Variants in MYT1L observed in about 807,000 individuals in gnomAD.
The protein encoded by MYT1L is myelin transcription factor 1-like protein.
A neutral mutation model predicts 126.7 loss-of-function variants in MYT1L; 12 were observed. The observed-to-expected ratio is 0.09, with a 90% CI of 0.06 to 0.15. The LOEUF (loss-of-function observed/expected upper bound fraction) is 0.15. Ranked by LOEUF, MYT1L falls within the 10% of genes least tolerant of loss-of-function variation. The pLI, the probability that MYT1L is intolerant of heterozygous loss-of-function variation, is 1.00. For missense variants in MYT1L, 979 were observed against 1,585.2 expected (o/e 0.62, Z 6.49); for synonymous variants, 541 against 604.2 (o/e 0.90, Z 1.53).
chr2:2,189,568 G>A (rs1014704198), intron 2 of MYT1L, among the ~76,000 whole-genome samples: 3 of 152,012 alleles, frequency 2.0e-5, no homozygotes, highest in Non-Finnish European at 2.9e-5. Context: ...ATATTAACAG[G>A]TACTGGGTTT....
At chr2:1,794,773 G>A (rs1210164912) in intron 23 of MYT1L, among the ~76,000 whole-genome samples, 1 of 152,126 alleles carries the variant, frequency 6.6e-6, no homozygotes, top group Non-Finnish European at 1.5e-5. Flanking sequence ...GGGGTGGCGG[G>A]GCTCCCATGC....
chr2:1,857,885 CAG>C (rs1177373552), intron 18 of MYT1L, among the ~76,000 whole-genome samples: 5 of 150,772 alleles, frequency 3.3e-5, no homozygotes, highest in African/African-American at 1.2e-4. Flanking sequence ...TAATTTGAGA[CAG>C]AGTCTCACTC....
chr2:2,058,184 T>C (rs1242435968), intron 3 of MYT1L, among the ~76,000 whole-genome samples: 4 of 152,246 alleles, frequency 2.6e-5, no homozygotes, highest in Non-Finnish European at 5.9e-5. Flanking sequence ...TGCCTAATAG[T>C]TGATGGAATT....
intron 5 of MYT1L, among the ~76,000 whole-genome samples, chr2:1,992,523 A>G (rs1013859183): frequency 1.3e-5 from 2 of 152,174 alleles, no homozygotes; most frequent in African/African-American, 2.4e-5. Context: ...ATAAGAACCC[A>G]GAGTGGTTCT....
At chr2:2,207,229 G>A (rs1024119457) in intron 2 of MYT1L, among the ~76,000 whole-genome samples, 1 of 152,166 alleles carries the variant, frequency 6.6e-6, no homozygotes, top group Admixed American at 6.5e-5. Flanking sequence ...ACTTTGGAAA[G>A]CATGATTACT....
At chr2:2,091,775 C>T (rs1347376016) in intron 3 of MYT1L, among the ~76,000 whole-genome samples, 1 of 152,200 alleles carries the variant, frequency 6.6e-6, no homozygotes, top group Non-Finnish European at 1.5e-5. Context: ...GCAGCTTCTC[C>T]ATCAGCACTT....
chr2:2,309,050 C>T (rs147828831), intron 1 of MYT1L, among the ~76,000 whole-genome samples: 1 of 151,176 alleles, frequency 6.6e-6, no homozygotes, highest in Non-Finnish European at 1.5e-5. Flanking sequence ...CTATGTAGAC[C>T]TCACCTACAC....
intron 3 of MYT1L, among the ~76,000 whole-genome samples, chr2:2,121,192 A>G (rs1292004793): frequency 6.6e-6 from 1 of 152,244 alleles, no homozygotes; most frequent in Non-Finnish European, 1.5e-5. Flanking sequence ...TTGGCGAGGA[A>G]AACATTTTCT....
chr2:2,144,497 T>A (rs1421149151), intron 3 of MYT1L, among the ~76,000 whole-genome samples: 4 of 152,226 alleles, frequency 2.6e-5, no homozygotes, highest in African/African-American at 7.2e-5. Flanking sequence ...CTGTGCAGAA[T>A]CCCTGCCCCT....
At chr2:2,282,224 C>T (rs935813178) in intron 2 of MYT1L, among the ~76,000 whole-genome samples, 2 of 152,220 alleles carry the variant, frequency 1.3e-5, no homozygotes, top group Non-Finnish European at 2.9e-5. Context: ...CACTGCCTCA[C>T]ACAGTGTATT....
At chr2:2,260,466 T>A (rs1340125505) in intron 2 of MYT1L, among the ~76,000 whole-genome samples, 1 of 152,218 alleles carries the variant, frequency 6.6e-6, no homozygotes, top group Non-Finnish European at 1.5e-5. Flanking sequence ...ATGCTGTGCT[T>A]GTGAGTTACT....
At position 2,330,470 on chromosome 2, in the gene MYT1L, T is replaced by G. The variant is rs141095048; in HGVS notation, c.-521+497A>C. On this transcript the variant is annotated intron_variant, in intron 1 of 24. Coordinates refer to ENST00000647738, the MANE Select transcript of MYT1L (RefSeq NM_001303052.2). ...TATAAATAACATTTTCTTTCATTAT[T>G]ATGAACTTCAAACATTTAAGTTAAA... 1.9e-3 allele frequency among the ~76,000 whole-genome samples: 297 copies of G among 152,338 alleles called. 1 individual carries two copies. Among genetic ancestry groups the G allele is most frequent in the African/African-American group, 6.8e-3 (283 of 41,592 alleles).
intron 2 of MYT1L, among the ~76,000 whole-genome samples, chr2:2,242,585 A>G (rs753092890): frequency 3.3e-5 from 5 of 152,176 alleles, no homozygotes; most frequent in Non-Finnish European, 5.9e-5. Flanking sequence ...GCTTCCATTT[A>G]TCAAGCACTG....
At chr2:2,089,509 A>G (rs2076695373) in intron 3 of MYT1L, among the ~76,000 whole-genome samples, 1 of 152,212 alleles carries the variant, frequency 6.6e-6, no homozygotes, top group Admixed American at 6.5e-5. Context: ...GACTGTTGAG[A>G]GGTGGGATCT....
chr2:2,143,433 C>A (rs777571983), intron 3 of MYT1L, among the ~76,000 whole-genome samples: 1 of 152,146 alleles, frequency 6.6e-6, no homozygotes, highest in African/African-American at 2.4e-5. Context: ...GCCTTCACCC[C>A]ACATGGCCAC....
At chr2:2,139,058 C>T (rs1172971397) in intron 3 of MYT1L, among the ~76,000 whole-genome samples, 1 of 151,744 alleles carries the variant, frequency 6.6e-6, no homozygotes, top group South Asian at 2.1e-4. Context: ...TTATAGGACC[C>T]TGTATTAGGT....
At position 2,178,560 on chromosome 2, in the gene MYT1L, G is replaced by A. The variant is rs186714518; in HGVS notation, c.-420-5572C>T. 5.3e-3 allele frequency among the ~76,000 whole-genome samples: 806 copies of A among 152,326 alleles called. 8 individuals carry two copies. Among genetic ancestry groups the A allele is most frequent in the African/African-American group, 0.019 (774 of 41,572 alleles). On this transcript the variant is annotated intron_variant, in intron 2 of 24. Coordinates refer to ENST00000647738, the MANE Select transcript of MYT1L (RefSeq NM_001303052.2). The stretch of plus-strand genomic sequence containing the variant: ...ACCCTCGCCCTCCTTCCTTCTGCAG[G>A]AAGGTGTTGGTGAGGTGGGCCTTTG...
At chr2:2,253,800 C>A (rs892221822) in intron 2 of MYT1L, among the ~76,000 whole-genome samples, 17 of 151,724 alleles carry the variant, frequency 1.1e-4, no homozygotes, top group African/African-American at 3.6e-4. Flanking sequence ...AAGTCGGAAA[C>A]AGGAAGCGGG....
At chr2:2,046,044 TGTG>T in intron 4 of MYT1L, among the ~76,000 whole-genome samples, 1 of 152,272 alleles carries the variant, frequency 6.6e-6, no homozygotes, top group Admixed American at 6.5e-5. Context: ...TCCGTGAATA[TGTG>T]GTGAATATAA....
Sources: gnomAD v4.1 joint callset for allele counts (sites outside exome capture counted in the v4.1 genomes callset) on GRCh38, gnomAD v4.1.1 for gene constraint, MANE v1.5 for transcripts, NCBI Gene and HGNC (gene_info 2026-07-23, HGNC 2026-07-21) for gene names.